BCCIP: variants seen among roughly 807,000 people sequenced by gnomAD.
BCCIP encodes the protein BRCA2 and CDKN1A-interacting protein.
In BCCIP, 23 loss-of-function variants were observed where a neutral mutation model predicts 32.8. That is an observed-to-expected ratio of 0.70 (90% CI 0.51 to 0.99). BCCIP has a LOEUF of 0.99. Among genes scored for constraint, BCCIP ranks in the 50% least tolerant of loss-of-function variants. The pLI, the probability that BCCIP is intolerant of heterozygous loss-of-function variation, is 0.00. For synonymous variants in BCCIP, 144 were observed against 137.6 expected (o/e 1.05, Z -0.33); for missense variants, 378 against 379.8 (o/e 1.00, Z 0.04).
chr10:125,837,908 A>G (rs572452450), downstream of BCCIP, among the ~76,000 whole-genome samples: 26 of 152,182 alleles, frequency 1.7e-4, 1 homozygote, highest in South Asian at 5.2e-3. Flanking sequence ...GGCTAAGCTC[A>G]TTCCTCTCAA....
At chr10:125,826,768 G>A (rs2134006458) in intron 2 of BCCIP, 103 bp downstream of exon 2, 3 of 1,496,376 alleles carry the variant, frequency 2.0e-6, no homozygotes, top group Non-Finnish European at 1.8e-6. Flanking sequence ...GGAAGGCCGA[G>A]GTGAGAGGAT....
intron 3 of BCCIP, among the ~76,000 whole-genome samples, chr10:125,829,764 A>C (rs900399284): frequency 1.3e-5 from 2 of 152,236 alleles, no homozygotes; most frequent in African/African-American, 4.8e-5. Flanking sequence ...GTGTCTTAGA[A>C]GACCTAATGG....
intron 7 of BCCIP, among the ~76,000 whole-genome samples, chr10:125,848,016 C>T (rs1382062412): frequency 1.3e-5 from 2 of 152,282 alleles, no homozygotes; most frequent in African/African-American, 2.4e-5. Context: ...TTGGGGACCC[C>T]TGCATTAATG....
downstream of BCCIP, chr10:125,841,496 T>C: frequency 6.9e-7 from 1 of 1,451,710 alleles, no homozygotes; most frequent in South Asian, 1.5e-5. Context: ...AAATCTAGTA[T>C]GTTTTCATAC....
intron 2 of BCCIP, 106 bp from the exon 3 acceptor site, chr10:125,827,452 C>A: frequency 2.7e-6 from 2 of 731,216 alleles, no homozygotes; most frequent in South Asian, 2.2e-5. Flanking sequence ...TCTAGATCAT[C>A]ATCTTAAGTC....
At chr10:125,841,301 G>A (rs1182728855), downstream of BCCIP, 2 of 1,614,114 alleles carry the variant, frequency 1.2e-6, no homozygotes, top group East Asian at 2.2e-5. Flanking sequence ...ACAAGAAGAG[G>A]ATTGGAACCA....
At chr10:125,838,435 A>C, downstream of BCCIP, 1 of 1,460,494 alleles carries the variant, frequency 6.8e-7, no homozygotes, top group Non-Finnish European at 9.1e-7. Context: ...TAATATGGAG[A>C]TCATTATACA....
chr10:125,841,214 G>A, downstream of BCCIP: 1 of 1,586,380 alleles, frequency 6.3e-7, no homozygotes. Flanking sequence ...CTTTTCTAAG[G>A]TCAACTGAAT....
chr10:125,836,511 A>C lies in BCCIP; in HGVS notation c.*237A>C. On this transcript the variant is annotated 3_prime_UTR_variant, in exon 7 of 7. Coordinates refer to ENST00000278100, the MANE Select transcript of BCCIP (RefSeq NM_078468.3). ...GAAGAAAAGCATGGAGTAGTAATTT[A>C]AAGAACTCAATAAAAACTTCTATTT... 1.5e-6 allele frequency: 2 copies of C among 1,351,572 alleles called. No individual in the cohort carries two copies. Among genetic ancestry groups the C allele is most frequent in the Non-Finnish European group, 1.9e-6 (2 of 1,036,550 alleles). 83.7% of individuals were successfully genotyped at this position (1,351,572 alleles called of 1,614,324 possible).
At position 125,842,078 on chromosome 10, in the gene BCCIP, G is replaced by GGA. The variant is rs916866049; in HGVS notation, c.*721_*722dup. On this transcript the variant is annotated 3_prime_UTR_variant, in exon 7 of 7. Transcript: ENST00000299130. ...CGGTTTGCAAGCCACCAAATACCAG[G>GGA]GAGTGAAGGATAGTGATTCTTGAGA... 51 of 1,076,144 alleles carry GGA rather than the reference G, an allele frequency of 4.7e-5. No individual in the cohort carries two copies. The African/African-American group carries it at 6.5e-4, about 14-fold the overall frequency. The allele number at this position is 1,076,144 out of a possible 1,614,324, so 66.7% of individuals were successfully genotyped here.
downstream of BCCIP, among the ~76,000 whole-genome samples, chr10:125,838,575 C>T (rs1363898084): frequency 6.6e-6 from 1 of 152,194 alleles, no homozygotes; most frequent in Non-Finnish European, 1.5e-5. Flanking sequence ...AACTTTGAGA[C>T]AGTGATGTTA....
rs1590043762 is a variant in BCCIP at position 125,823,556 on chromosome 10, A to T, written c.-2A>T. The T allele has an allele frequency of 6.2e-7, 1 of 1,613,538 alleles. No homozygotes were observed. The highest frequency in any genetic ancestry group is 2.2e-5 in the East Asian group (1 of 44,854). On this transcript the variant is annotated 5_prime_UTR_variant, in exon 1 of 7. Coordinates refer to ENST00000278100, the MANE Select transcript of BCCIP (RefSeq NM_078468.3). Reference sequence around the variant, plus strand: ...CTGCGCAGGCGCAGTGTGAGCGGCAACATGGCGTCCAGGTCTAAGCGGCGT... The same window carrying T: ...CTGCGCAGGCGCAGTGTGAGCGGCATCATGGCGTCCAGGTCTAAGCGGCGT...
intron 3 of BCCIP, among the ~76,000 whole-genome samples, chr10:125,827,929 T>C (rs1854436998): frequency 7.3e-6 from 1 of 136,566 alleles, no homozygotes; most frequent in Non-Finnish European, 1.5e-5. Context: ...TTTGTGCCGC[T>C]GCACTCTAGC....
chr10:125,845,718 C>T (rs1472494642), downstream of BCCIP, among the ~76,000 whole-genome samples: 2 of 152,244 alleles, frequency 1.3e-5, no homozygotes, highest in Non-Finnish European at 2.9e-5. Flanking sequence ...GCATTTTCAA[C>T]TCCCTGCCCA....
At chr10:125,845,095 T>C (rs1943997873), downstream of BCCIP, among the ~76,000 whole-genome samples, 1 of 152,234 alleles carries the variant, frequency 6.6e-6, no homozygotes, top group Admixed American at 6.5e-5. Flanking sequence ...GAGGAGCCGA[T>C]GCAGCGCTAA....
chr10:125,824,371 T>C (rs780158029), intron 1 of BCCIP, among the ~76,000 whole-genome samples: 43 of 152,230 alleles, frequency 2.8e-4, no homozygotes, highest in Admixed American at 2.5e-3. Context: ...CAATTAGGAC[T>C]GAATGATCCT....
At chr10:125,853,373 T>TC (rs1462940732) in exon 8 of BCCIP, 5 of 488,156 alleles carry the variant, frequency 1.0e-5, no homozygotes, top group Non-Finnish European at 1.8e-5. Context: ...TTCTGAAGTC[T>TC]CAGTGTCTTT....
downstream of BCCIP, chr10:125,841,155 TAG>T: frequency 7.2e-7 from 1 of 1,382,036 alleles, no homozygotes. Context: ...CCCAGAAATT[TAG>T]AGTGAGTCAT....
downstream of BCCIP, chr10:125,836,970 T>G (rs1854710874): frequency 1.2e-6 from 1 of 839,226 alleles, no homozygotes; most frequent in African/African-American, 1.7e-5. Context: ...AACCGGTATT[T>G]AATTTGAACT....
Sources: gnomAD v4.1 joint callset for allele counts (sites outside exome capture counted in the v4.1 genomes callset) on GRCh38, gnomAD v4.1.1 for gene constraint, MANE v1.5 for transcripts, NCBI Gene and HGNC (gene_info 2026-07-23, HGNC 2026-07-21) for gene names.